The following GNAS variants were observed in gnomAD, a reference collection of about 807,000 sequenced individuals.
The protein encoded by GNAS is protein ALEX.
In GNAS, 8 loss-of-function variants were observed where a neutral mutation model predicts 54.5. The observed-to-expected ratio is 0.15, with a 90% CI of 0.09 to 0.26. GNAS has a LOEUF of 0.26. Among genes scored for constraint, GNAS ranks in the 10% least tolerant of loss-of-function variants. GNAS has a pLI of 1.00. For synonymous variants in GNAS, 204 were observed against 191.4 expected (o/e 1.07, Z -0.54); for missense variants, 170 against 529.8 (o/e 0.32, Z 6.67).
At position 58,891,616 on chromosome 20, in the gene GNAS, C is replaced by CCGCGCCCGGCCCG. The variant is rs2089333537; in HGVS notation, c.-109_-97dup. ...CGCGCTCCTTGCCGAGGAGCCGAGC[C>CCGCGCCCGGCCCG]CGCGCCCGGCCCGCCCGCCCGGCGC... On this transcript the variant is annotated 5_prime_UTR_variant, in exon 1 of 13. Coordinates refer to ENST00000371085, the MANE Select transcript of GNAS (RefSeq NM_000516.7). 1.0e-6 allele frequency: 1 copy of CCGCGCCCGGCCCG among 971,986 alleles called. No individual in the cohort carries two copies. Among genetic ancestry groups the CCGCGCCCGGCCCG allele is most frequent in the African/African-American group, 1.8e-5 (1 of 55,310 alleles). The allele number at this position is 971,986 out of a possible 1,614,324, so 60.2% of individuals were successfully genotyped here.
rs1447955650 is a variant in GNAS, at chr20:58,879,873, C to G, written c.44-15739C>G. ...CTGAAGGCACCTGCCCACATTTTGTCTTAGGTTACAACCAGCTCAATCCAG... is the reference window on the plus strand; with the variant it reads ...CTGAAGGCACCTGCCCACATTTTGTGTTAGGTTACAACCAGCTCAATCCAG... On this transcript the variant is annotated intron_variant, in intron 1 of 12. Coordinates refer to the GNAS transcript ENST00000306090. Among the ~76,000 whole-genome samples, 3 of 152,256 alleles carry G rather than the reference C, an allele frequency of 2.0e-5. No individual in the cohort carries two copies. The East Asian group carries it at 5.8e-4, about 29-fold the overall frequency.
upstream of GNAS, among the ~76,000 whole-genome samples, chr20:58,890,252 GGCCGCCGCCGCC>G (rs569980417): frequency 7.9e-5 from 12 of 150,982 alleles, no homozygotes; most frequent in Non-Finnish European, 1.6e-4. Flanking sequence ...GATGCCCCGA[GGCCGCCGCCGCC>G]GCGGCCGCCG....
chr20:58,904,775 A>G (rs1053947721), intron 5 of GNAS, among the ~76,000 whole-genome samples: 8 of 152,248 alleles, frequency 5.3e-5, no homozygotes, highest in African/African-American at 1.9e-4. Flanking sequence ...AAAAAGCAAT[A>G]AACACAATAT....
At chr20:58,840,555 C>T, upstream of GNAS, 1 of 1,613,262 alleles carries the variant, frequency 6.2e-7, no homozygotes, top group Non-Finnish European at 8.5e-7. The surrounding 1 kb of genome is among the most constrained non-coding windows in gnomAD (Gnocchi z 6.0). Context: ...CCGGTGGTGC[C>T]CAAGCACTCC....
intron 1 of GNAS, among the ~76,000 whole-genome samples, chr20:58,847,207 G>A (rs1384018405): frequency 6.6e-6 from 1 of 151,968 alleles, no homozygotes; most frequent in Non-Finnish European, 1.5e-5. Context: ...TTTTTAATCT[G>A]AGCATATCAA....
In GNAS at chr20:58,909,567, C is replaced by T. The variant is rs2146279616; in HGVS notation, c.706C>T (p.Gln236Ter). ...GCGCGATGAACGCCGCAAGTGGATC[C>T]AGTGCTTCAACGGTAGGATGCTGTG... Reference protein sequence around the residue: ...GQRDERRKWIQCFNDVTAIIF... With the variant: ...GQRDERRKWI Residue 236 changes from glutamine (Q) to a stop codon, truncating the protein, a stop_gained, in exon 9 of 13, where the codon CAG becomes TAG. Transcript: ENST00000371085. LOFTEE classifies it high-confidence loss of function. The surrounding 1 kb of genome is among the most constrained non-coding windows in gnomAD (Gnocchi z 7.3). 6.2e-7 allele frequency: 1 copy of T among 1,614,194 alleles called. No individual in the cohort carries two copies. The highest frequency in any genetic ancestry group is 8.5e-7 in the Non-Finnish European group (1 of 1,180,026).
intron 1 of GNAS, chr20:58,855,849 C>G (rs999177760): frequency 5.3e-6 from 3 of 570,360 alleles, no homozygotes; most frequent in Non-Finnish European, 9.3e-6. Flanking sequence ...GAAGTGTCCC[C>G]TGTTCCTATC....
rs1314612220 is a variant in GNAS at position 58,854,945 on chromosome 20, C to A, written c.43+14059C>A. 1.2e-6 allele frequency: 2 copies of A among 1,606,820 alleles called. No individual in the cohort carries two copies. The highest frequency in any genetic ancestry group is 1.7e-6 in the Non-Finnish European group (2 of 1,177,778). ...GGGGCAAGTCCGAGAGCAGCCGCGG[C>A]CGCCGCGTGTACTACGATGAAGGGG... On this transcript the variant is annotated intron_variant, in intron 1 of 12. Transcript: ENST00000306090.
chr20:58,895,100 A>G (rs2089919959), intron 1 of GNAS: 1 of 183,900 alleles, frequency 5.4e-6, no homozygotes, highest in Admixed American at 5.6e-5. Context: ...GTTGAGGAGG[A>G]AAGTGCTGCA....
intron 1 of GNAS, among the ~76,000 whole-genome samples, chr20:58,884,170 T>C (rs1378940006): frequency 6.6e-6 from 1 of 152,184 alleles, no homozygotes; most frequent in Non-Finnish European, 1.5e-5. Flanking sequence ...TTGAAAATGA[T>C]CACCTACATT....
chr20:58,853,896 G>A lies in GNAS; in HGVS notation c.43+13010G>A, dbSNP rs566003433. ...CCAAGCCCTCAGGCCTGCAAAGGCTGGCTCCAGAGGAGGCTACAGCCCTCC... is the reference window on the plus strand; with the variant it reads ...CCAAGCCCTCAGGCCTGCAAAGGCTAGCTCCAGAGGAGGCTACAGCCCTCC... On this transcript the variant is annotated intron_variant, in intron 1 of 12. Transcript: ENST00000306090. This position sits in a 1 kb window ranked among gnomAD's most constrained non-coding sequence, Gnocchi z 4.4. The A allele has an allele frequency of 6.9e-6, 11 of 1,602,666 alleles. No homozygotes were observed. The highest frequency in any genetic ancestry group is 9.4e-6 in the Non-Finnish European group (11 of 1,175,124).
At chr20:58,851,547 A>T (rs895970017) in intron 1 of GNAS, among the ~76,000 whole-genome samples, 1 of 151,048 alleles carries the variant, frequency 6.6e-6, no homozygotes, top group Non-Finnish European at 1.5e-5. Context: ...GTTTTATGTG[A>T]CCCCCTTACA....
At chr20:58,840,838 T>C (rs780175640), upstream of GNAS, 1 of 1,612,762 alleles carries the variant, frequency 6.2e-7, no homozygotes, top group South Asian at 1.1e-5. This position sits in a 1 kb window ranked among gnomAD's most constrained non-coding sequence, Gnocchi z 6.0. Context: ...CCATCCGGCG[T>C]CACTAATGGA....
At chr20:58,845,704 C>T (rs1485334845) in intron 1 of GNAS, among the ~76,000 whole-genome samples, 2 of 152,138 alleles carry the variant, frequency 1.3e-5, no homozygotes, top group African/African-American at 4.8e-5. Context: ...TGAGTTTTTT[C>T]AAACGCCTCC....
Position 58,841,558 on chromosome 20 carries a change from G to T in GNAS, c.43+672G>T, listed in dbSNP as rs1600660132. On this transcript the variant is annotated intron_variant, in intron 1 of 12. Coordinates refer to the GNAS transcript ENST00000306090. The surrounding 1 kb of genome is among the most constrained non-coding windows in gnomAD (Gnocchi z 5.0). Reference sequence around the variant, plus strand: ...CCGTGCGCCAGCCTTGGCCGCCACAGCCCGCCTCCCGTCGCTCGCGGGACA... The same window carrying T: ...CCGTGCGCCAGCCTTGGCCGCCACATCCCGCCTCCCGTCGCTCGCGGGACA... 1.0e-6 allele frequency: 1 copy of T among 998,548 alleles called. No homozygotes were observed. Among genetic ancestry groups the T allele is most frequent in the East Asian group, 1.0e-4 (1 of 9,572 alleles). The allele number at this position is 998,548 out of a possible 1,614,324, so 61.9% of individuals were successfully genotyped here. A position where few individuals can be genotyped will look rare whatever the true frequency, so the allele number is the denominator to read the frequency against.
In GNAS at chr20:58,894,388, A is replaced by T. The variant is rs112367537; in HGVS notation, c.140-1224A>T. Among the ~76,000 whole-genome samples, 234 of 152,360 alleles carry T rather than the reference A, an allele frequency of 1.5e-3. 1 individual carries two copies. Among genetic ancestry groups the T allele is most frequent in the Non-Finnish European group, 2.7e-3 (185 of 68,036 alleles). ...TAAGATAGTGTTTGCTTTGAAATCA[A>T]TGTTTCTGTGGAAACTAATTTTAAC... On this transcript the variant is annotated intron_variant, in intron 1 of 12. Coordinates refer to ENST00000371085, the MANE Select transcript of GNAS (RefSeq NM_000516.7).
rs531794291 is a variant in GNAS at position 58,845,889 on chromosome 20, G to T, written c.43+5003G>T. ...AGGACTCTGCCTGCAACTATTCCCGGGTAGAAATGGGGAGGCTGCCTTCCC... is the reference window on the plus strand; with the variant it reads ...AGGACTCTGCCTGCAACTATTCCCGTGTAGAAATGGGGAGGCTGCCTTCCC... On this transcript the variant is annotated intron_variant, in intron 1 of 12. Coordinates refer to the GNAS transcript ENST00000306090. Among the ~76,000 whole-genome samples the T allele has an allele frequency of 1.6e-4, 25 of 152,302 alleles. No homozygotes were observed. The South Asian group carries it at 4.1e-3, about 25-fold the overall frequency.
In GNAS at chr20:58,911,154, T is replaced by TA. The variant is rs200991500; in HGVS notation, c.*333dup. 8.0e-3 allele frequency: 4,007 copies of TA among 500,264 alleles called. 22 individuals are homozygous for TA. Among genetic ancestry groups the TA allele is most frequent in the Non-Finnish European group, 0.012 (3,191 of 269,254 alleles). 31.0% of individuals were successfully genotyped at this position (500,264 alleles called of 1,614,324 possible). ...AAATAAATATTGTGTTGTGCAGCAT[T>TA]AAAAAAAATCAAAATAAAAATTAAA... On this transcript the variant is annotated 3_prime_UTR_variant, in exon 13 of 13. Coordinates refer to ENST00000371085, the MANE Select transcript of GNAS (RefSeq NM_000516.7).
Position 58,911,022 on chromosome 20 carries a change from G to A in GNAS, c.*193G>A, listed in dbSNP as rs1344420138. ...GTTCCAAATTTAGAAAGCTTAAGGC[G>A]GCCTACAGAAAAAGGAAAAAAGGCC... On this transcript the variant is annotated 3_prime_UTR_variant, in exon 13 of 13. Coordinates refer to ENST00000371085, the MANE Select transcript of GNAS (RefSeq NM_000516.7). 18 of 700,260 alleles carry A rather than the reference G, an allele frequency of 2.6e-5. No individual in the cohort carries two copies. The highest frequency in any genetic ancestry group is 3.6e-4 in the Middle Eastern group (1 of 2,750). The allele number at this position is 700,260 out of a possible 1,614,324, so 43.4% of individuals were successfully genotyped here. A position where few individuals can be genotyped will look rare whatever the true frequency, so the allele number is the denominator to read the frequency against.
Sources: gnomAD v4.1 joint callset for allele counts (sites outside exome capture counted in the v4.1 genomes callset) on GRCh38, gnomAD v4.1.1 for gene constraint, Gnocchi (gnomAD v3.1) non-coding constraint, MANE v1.5 for transcripts, NCBI Gene and HGNC (gene_info 2026-07-23, HGNC 2026-07-21) for gene names.